Variants in NRXN1 observed in about 807,000 individuals in gnomAD.
NRXN1 encodes the protein neurexin 1.
In NRXN1, 39 loss-of-function variants were observed where a neutral mutation model predicts 150.9. That is an observed-to-expected ratio of 0.26 (90% confidence interval 0.20 to 0.34). The LOEUF is 0.34. Among genes scored for constraint, NRXN1 ranks in the 10% least tolerant of loss-of-function variants. NRXN1 has a pLI of 1.00. For synonymous variants in NRXN1, 924 were observed against 757.0 expected (o/e 1.22, Z -3.62); for missense variants, 1,815 against 1,949.9 (o/e 0.93, Z 1.30).
intron 8 of NRXN1, among the ~76,000 whole-genome samples, chr2:50,574,434 C>G (rs1671097274): frequency 6.6e-6 from 1 of 152,082 alleles, no homozygotes; most frequent in African/African-American, 2.4e-5. Flanking sequence ...CGTTTGGAAA[C>G]TGAACGGTTC....
chr2:50,158,064 AGTGTGTGTGTGTGTGTGT>A (rs71401060), intron 18 of NRXN1, among the ~76,000 whole-genome samples: 9 of 134,060 alleles, frequency 6.7e-5, no homozygotes, highest in South Asian at 5.0e-4. Context: ...TAAGAAGTTG[AGTGTGTGTGTGTGTGTGT>A]GTGTGTGTGT....
chr2:51,026,288 G>T, intron 2 of NRXN1: 3 of 869,972 alleles, frequency 3.4e-6, no homozygotes, highest in Admixed American at 2.0e-5. Flanking sequence ...TGATTGCCTT[G>T]CTTTGACCCA....
At chr2:50,269,398 T>C (rs986743963) in intron 17 of NRXN1, among the ~76,000 whole-genome samples, 26 of 152,346 alleles carry the variant, frequency 1.7e-4, no homozygotes, top group South Asian at 1.2e-3. Flanking sequence ...TAGTATGCAC[T>C]GTATTTCCCA....
chr2:50,147,974 T>A (rs1042072128), intron 18 of NRXN1, among the ~76,000 whole-genome samples: 14 of 151,662 alleles, frequency 9.2e-5, no homozygotes, highest in African/African-American at 3.4e-4. Context: ...GTGGGGCATC[T>A]ATAAGTTAAA....
chr2:50,749,004 G>A (rs1032608613), intron 5 of NRXN1, among the ~76,000 whole-genome samples: 24 of 152,044 alleles, frequency 1.6e-4, no homozygotes, highest in Admixed American at 1.0e-3. Flanking sequence ...GTGATGCTAG[G>A]AATGGATGCT....
intron 21 of NRXN1, among the ~76,000 whole-genome samples, chr2:50,051,955 A>G (rs1692780979): frequency 6.6e-6 from 1 of 152,100 alleles, no homozygotes; most frequent in African/African-American, 2.4e-5. Flanking sequence ...ATGTAGGTAC[A>G]ATATATCCAA....
At chr2:50,858,800 T>C (rs1051924365) in intron 5 of NRXN1, among the ~76,000 whole-genome samples, 12 of 152,104 alleles carry the variant, frequency 7.9e-5, no homozygotes, top group African/African-American at 2.9e-4. Context: ...TATATAAAAT[T>C]GCACAATTTT....
intron 2 of NRXN1, among the ~76,000 whole-genome samples, chr2:51,011,947 A>G (rs1373687817): frequency 2.6e-5 from 4 of 152,022 alleles, no homozygotes; most frequent in African/African-American, 7.2e-5. Flanking sequence ...AATAGAATCA[A>G]GAGAACTTGG....
intron 5 of NRXN1, among the ~76,000 whole-genome samples, chr2:50,807,199 A>G (rs1667618242): frequency 6.6e-6 from 1 of 152,134 alleles, no homozygotes; most frequent in African/African-American, 2.4e-5. Flanking sequence ...GAAAGAAGAC[A>G]TAAAGATATA....
At chr2:50,028,768 TG>T (rs1200231301) in intron 21 of NRXN1, among the ~76,000 whole-genome samples, 1 of 152,272 alleles carries the variant, frequency 6.6e-6, no homozygotes, top group East Asian at 1.9e-4. Context: ...TCTCACTGTA[TG>T]TCTAAACATT....
intron 12 of NRXN1, among the ~76,000 whole-genome samples, chr2:50,527,303 A>C (rs1216423722): frequency 1.3e-5 from 2 of 152,150 alleles, no homozygotes; most frequent in Non-Finnish European, 2.9e-5. Flanking sequence ...GCTGAAAGCA[A>C]ACTGGACCTG....
chr2:50,959,256 T>A (rs1219933074), intron 2 of NRXN1, among the ~76,000 whole-genome samples: 3 of 152,070 alleles, frequency 2.0e-5, no homozygotes, highest in South Asian at 4.1e-4. Context: ...TCCACTGTCA[T>A]ATACATACTC....
intron 21 of NRXN1, among the ~76,000 whole-genome samples, chr2:50,008,559 A>T (rs1320658454): frequency 6.7e-6 from 1 of 149,620 alleles, no homozygotes; most frequent in Non-Finnish European, 1.5e-5. Flanking sequence ...CGAGGATGGC[A>T]TCTTATGGTT....
At chr2:51,013,281 A>G (rs977566898) in intron 2 of NRXN1, among the ~76,000 whole-genome samples, 1 of 152,034 alleles carries the variant, frequency 6.6e-6, no homozygotes, top group African/African-American at 2.4e-5. Flanking sequence ...AAACATAAGC[A>G]TGTGGGTGGA....
chr2:50,597,048 T>A (rs1675355358), intron 8 of NRXN1, among the ~76,000 whole-genome samples: 1 of 151,990 alleles, frequency 6.6e-6, no homozygotes, highest in South Asian at 2.1e-4. Flanking sequence ...GGATGGGGTT[T>A]CACCAGGCTG....
intron 17 of NRXN1, among the ~76,000 whole-genome samples, chr2:50,388,482 T>C (rs925351329): frequency 6.6e-6 from 1 of 152,084 alleles, no homozygotes; most frequent in East Asian, 1.9e-4. Flanking sequence ...ATACAAATGC[T>C]GTATTTATCT....
intron 21 of NRXN1, among the ~76,000 whole-genome samples, chr2:50,019,874 G>C (rs1225395121): frequency 6.8e-6 from 1 of 147,434 alleles, no homozygotes; most frequent in East Asian, 2.0e-4. Context: ...CGAGAACCCG[G>C]GAGGCGGAGC....
intron 21 of NRXN1, among the ~76,000 whole-genome samples, chr2:50,032,947 TACACAC>T (rs147067435): frequency 2.5e-4 from 37 of 150,242 alleles, no homozygotes; most frequent in Non-Finnish European, 4.9e-4. Context: ...AATACACACA[TACACAC>T]ACACACACGC....
chr2:49,950,159 TA>T (rs1673669001), intron 21 of NRXN1, among the ~76,000 whole-genome samples: 2 of 151,898 alleles, frequency 1.3e-5, no homozygotes, highest in African/African-American at 4.8e-5. Flanking sequence ...AATGTGTATA[TA>T]GGTATATGAT....
Sources: gnomAD v4.1 joint callset for allele counts (sites outside exome capture counted in the v4.1 genomes callset) on GRCh38, gnomAD v4.1.1 for gene constraint, MANE v1.5 for transcripts, NCBI Gene and HGNC (gene_info 2026-07-23, HGNC 2026-07-21) for gene names.